TBC1D1: variants seen among roughly 807,000 people sequenced by gnomAD.
The protein encoded by TBC1D1 is TBC1 domain family member 1.
In TBC1D1, 89 loss-of-function variants were observed where a neutral mutation model predicts 125.6. The observed-to-expected ratio is 0.71, with a 90% CI of 0.60 to 0.85. The LOEUF is 0.85. TBC1D1 is among the 40% of genes least tolerant of loss of function. The pLI, the probability that TBC1D1 is intolerant of heterozygous loss-of-function variation, is 0.00. For missense variants in TBC1D1, 1,377 were observed against 1,469.2 expected (o/e 0.94, Z 1.03); for synonymous variants, 565 against 564.1 (o/e 1.00, Z -0.02).
chr4:37,913,647 G>T (rs1013025967), intron 2 of TBC1D1, among the ~76,000 whole-genome samples: 15 of 151,316 alleles, frequency 9.9e-5, no homozygotes, highest in Non-Finnish European at 2.1e-4. Flanking sequence ...ATATGTGTGT[G>T]TGTGTGTATA....
chr4:38,052,159 C>T, intron 11 of TBC1D1, 99 bp downstream of exon 12: 12 of 1,150,980 alleles, frequency 1.0e-5, no homozygotes, highest in Non-Finnish European at 1.5e-5. Context: ...ATGCAGGAAG[C>T]AGAGCCACTG....
intron 2 of TBC1D1, among the ~76,000 whole-genome samples, chr4:37,965,900 C>A (rs1049187628): frequency 6.6e-6 from 1 of 152,060 alleles, no homozygotes; most frequent in Non-Finnish European, 1.5e-5. Context: ...ACAGGTGCCA[C>A]CATGCCCAGC....
At chr4:37,972,903 C>CAAAAAA (rs33977382) in intron 2 of TBC1D1, among the ~76,000 whole-genome samples, 1 of 104,588 alleles carries the variant, frequency 9.6e-6, no homozygotes, top group Non-Finnish European at 2.0e-5. Flanking sequence ...ACTCCATCTC[C>CAAAAAA]AAAAAAAAAA....
At chr4:38,136,668 G>A (rs1017989021) in intron 19 of TBC1D1, among the ~76,000 whole-genome samples, 63 of 152,200 alleles carry the variant, frequency 4.1e-4, no homozygotes, top group African/African-American at 1.3e-3. Context: ...CGATTTGTGC[G>A]TTTAAGTATA....
chr4:38,129,885 A>G (rs1034103170), intron 18 of TBC1D1, among the ~76,000 whole-genome samples: 1 of 152,250 alleles, frequency 6.6e-6, no homozygotes, highest in Non-Finnish European at 1.5e-5. Flanking sequence ...TACTGTATGC[A>G]GAACATTAGC....
chr4:38,121,184 A>T (rs989962796), intron 17 of TBC1D1, among the ~76,000 whole-genome samples: 1 of 152,046 alleles, frequency 6.6e-6, no homozygotes, highest in Non-Finnish European at 1.5e-5. Flanking sequence ...TTTACCCGTT[A>T]CTCATAGAAT....
At chr4:38,105,592 TC>T (rs1761160276) in intron 15 of TBC1D1, among the ~76,000 whole-genome samples, 2 of 152,244 alleles carry the variant, frequency 1.3e-5, no homozygotes, top group South Asian at 4.1e-4. Flanking sequence ...CCTTCCTCCC[TC>T]CCTCTCCACC....
At chr4:37,975,518 C>T (rs1732893131) in intron 2 of TBC1D1, among the ~76,000 whole-genome samples, 1 of 152,188 alleles carries the variant, frequency 6.6e-6, no homozygotes. Context: ...GAAAGGGAGA[C>T]TCCCATTCCC....
At chr4:38,007,740 C>A (rs558626110) in intron 2 of TBC1D1, among the ~76,000 whole-genome samples, 1 of 152,190 alleles carries the variant, frequency 6.6e-6, no homozygotes, top group Non-Finnish European at 1.5e-5. Flanking sequence ...TTCATCTCTG[C>A]GGTAAGCATG....
chr4:38,044,948 T>G (rs10018389), intron 9 of TBC1D1, among the ~76,000 whole-genome samples: 1 of 152,026 alleles, frequency 6.6e-6, no homozygotes, highest in Non-Finnish European at 1.5e-5. Context: ...AAAGTTTTGT[T>G]GAAACACCGC....
chr4:38,109,245 G>A (rs34618336), intron 15 of TBC1D1, among the ~76,000 whole-genome samples: 16,911 of 152,142 alleles, frequency 0.11, 1,063 homozygotes, highest in Admixed American at 0.15. Context: ...ATGAATTCTT[G>A]CACCACCAGC....
chr4:38,052,151 G>A (rs537496956), intron 11 of TBC1D1, 91 bp downstream of exon 12: 2 of 1,326,422 alleles, frequency 1.5e-6, no homozygotes, highest in South Asian at 1.4e-5. Flanking sequence ...GAATGTCCAT[G>A]CAGGAAGCAG....
chr4:38,029,221 A>G (rs1745663234), intron 7 of TBC1D1, among the ~76,000 whole-genome samples: 1 of 152,200 alleles, frequency 6.6e-6, no homozygotes, highest in Admixed American at 6.5e-5. Context: ...AGCAGGATCT[A>G]CAAATAGAGG....
rs532783303 is a variant in TBC1D1, at chr4:38,020,898, A to T, written c.1077+203A>T. The T allele has an allele frequency of 6.7e-4, 281 of 417,666 alleles. 1 individual carries two copies. The highest frequency in any genetic ancestry group is 4.2e-3 in the Admixed American group (114 of 27,322). The allele number at this position is 417,666 out of a possible 1,614,324, so 25.9% of individuals were successfully genotyped here. ...GTGCATTTTATATTTTTTATTTCTG[A>T]AGAACTTGTTTAGTGTCACCTTCTG... is the stretch of plus-strand genomic sequence containing the variant. On this transcript the variant is annotated intron_variant, in intron 5 of 19. Transcript: ENST00000261439.
chr4:38,107,587 T>TTG (rs1359560498), intron 15 of TBC1D1, among the ~76,000 whole-genome samples: 1 of 143,698 alleles, frequency 7.0e-6, no homozygotes, highest in African/African-American at 2.5e-5. Context: ...GTTTTTTTTT[T>TTG]TTTTTTTTTT....
intron 2 of TBC1D1, among the ~76,000 whole-genome samples, chr4:37,962,326 T>G (rs552063250): frequency 6.6e-6 from 1 of 152,236 alleles, no homozygotes; most frequent in Non-Finnish European, 1.5e-5. Context: ...CTCATTCTCC[T>G]GTAAGATTCA....
At chr4:38,132,719 A>T (rs1299738276) in intron 18 of TBC1D1, 2 of 170,594 alleles carry the variant, frequency 1.2e-5, no homozygotes, top group African/African-American at 4.8e-5. Context: ...CCCATAGTTG[A>T]TGTATCTAAC....
chr4:37,920,267 A>G (rs960750174), intron 2 of TBC1D1, among the ~76,000 whole-genome samples: 1 of 152,228 alleles, frequency 6.6e-6, no homozygotes, highest in Admixed American at 6.5e-5. Context: ...AAGGACAGTC[A>G]TAGACAGGTG....
intron 2 of TBC1D1, among the ~76,000 whole-genome samples, chr4:37,909,532 A>T (rs529388906): frequency 6.6e-6 from 1 of 152,260 alleles, no homozygotes; most frequent in East Asian, 1.9e-4. Context: ...CCGGCTCATT[A>T]CTTTCTTTCT....
Sources: gnomAD v4.1 joint callset for allele counts (sites outside exome capture counted in the v4.1 genomes callset) on GRCh38, gnomAD v4.1.1 for gene constraint, MANE v1.5 for transcripts, NCBI Gene and HGNC (gene_info 2026-07-23, HGNC 2026-07-21) for gene names.